FSHR: variants seen among roughly 807,000 people sequenced by gnomAD.
FSHR encodes follicle-stimulating hormone receptor.
Under a neutral mutation model 52.1 loss-of-function variants are expected in FSHR, and 46 were observed. The ratio of observed to expected loss-of-function variants is 0.88; its 90% CI spans 0.70 to 1.13. The LOEUF (loss-of-function observed/expected upper bound fraction) is 1.13. Ranked by LOEUF, FSHR falls within the 50% of genes most tolerant of loss-of-function variation. The pLI is 0.00. For missense variants in FSHR, 964 were observed against 834.6 expected (o/e 1.16, Z -1.91); for synonymous variants, 399 against 309.6 (o/e 1.29, Z -3.03).
At chr2:48,968,951 GGC>G in intron 8 of FSHR, 68 bp from the exon 9 acceptor site, 2 of 1,396,982 alleles carry the variant, frequency 1.4e-6, no homozygotes, top group Non-Finnish European at 2.0e-6. Flanking sequence ...TTGGTTAGCA[GGC>G]AAAATAGCAG....
intron 8 of FSHR, among the ~76,000 whole-genome samples, chr2:48,973,383 C>T (rs542402052): frequency 3.3e-5 from 5 of 152,302 alleles, no homozygotes; most frequent in Admixed American, 6.5e-5. Context: ...CGCAGTCAGC[C>T]GCCTGAGCTG....
chr2:49,060,493 C>T (rs956630369), intron 2 of FSHR, among the ~76,000 whole-genome samples: 1 of 152,148 alleles, frequency 6.6e-6, no homozygotes, highest in African/African-American at 2.4e-5. Flanking sequence ...CACCCCAGTA[C>T]CTAAGCTGAT....
intron 4 of FSHR, among the ~76,000 whole-genome samples, chr2:48,998,776 A>G (rs1312757319): frequency 6.6e-6 from 1 of 152,056 alleles, no homozygotes; most frequent in East Asian, 1.9e-4. Flanking sequence ...ATTAAAAAAA[A>G]AGCATATTCC....
chr2:49,052,481 T>G (rs533300645), intron 2 of FSHR, among the ~76,000 whole-genome samples: 3 of 152,336 alleles, frequency 2.0e-5, no homozygotes, highest in Admixed American at 6.5e-5. Flanking sequence ...TAAAAAATGA[T>G]TAATGCTTAG....
chr2:48,976,561 C>T (rs1400808895), intron 8 of FSHR, among the ~76,000 whole-genome samples: 1 of 152,154 alleles, frequency 6.6e-6, no homozygotes, highest in Non-Finnish European at 1.5e-5. Context: ...GGAATGGTAC[C>T]AGCTCCTTTT....
Position 49,108,155 on chromosome 2 carries a change from G to T in FSHR, c.153-39865C>A, listed in dbSNP as rs140564165. 3.0e-3 allele frequency among the ~76,000 whole-genome samples: 463 copies of T among 152,154 alleles called. 2 individuals carry two copies. Among genetic ancestry groups the T allele is most frequent in the African/African-American group, 0.011 (438 of 41,502 alleles). ...AATTCATCCCTTTTGCTTCCTGCCT[G>T]CCTGCTTAAGCTGAGACACTGGTCT... On this transcript the variant is annotated intron_variant, in intron 1 of 9. Transcript: ENST00000406846.
chr2:49,096,928 C>G (rs899300600), intron 1 of FSHR, among the ~76,000 whole-genome samples: 1 of 152,122 alleles, frequency 6.6e-6, no homozygotes, highest in Non-Finnish European at 1.5e-5. Flanking sequence ...CCCACTTTAC[C>G]TTCTGCCATG....
Position 49,130,876 on chromosome 2 carries a change from A to T in FSHR, c.152+23390T>A, listed in dbSNP as rs142113762. The stretch of plus-strand genomic sequence containing the variant: ...AGACAAGCTACTCAACTTAGGTAAA[A>T]ACAAGAAGGGGGCTGTTATAGAGTT... On this transcript the variant is annotated intron_variant, in intron 1 of 9. Coordinates refer to ENST00000406846, the MANE Select transcript of FSHR (RefSeq NM_000145.4). Among the ~76,000 whole-genome samples, 109 of 152,312 alleles carry T rather than the reference A, an allele frequency of 7.2e-4. 1 individual carries two copies. Among genetic ancestry groups the T allele is most frequent in the African/African-American group, 2.5e-3 (104 of 41,572 alleles).
chr2:49,004,004 G>C (rs898046912), intron 4 of FSHR, among the ~76,000 whole-genome samples: 1 of 152,186 alleles, frequency 6.6e-6, no homozygotes, highest in African/African-American at 2.4e-5. Context: ...TGAGGCTTTA[G>C]TAGTGGAATA....
chr2:49,036,314 T>C (rs2104269066), intron 2 of FSHR, among the ~76,000 whole-genome samples: 2 of 152,282 alleles, frequency 1.3e-5, no homozygotes, highest in South Asian at 4.1e-4. Context: ...CTTGTTATCT[T>C]TGATCTGTGT....
chr2:48,964,658 A>C (rs1418159698), intron 9 of FSHR, among the ~76,000 whole-genome samples: 2 of 152,176 alleles, frequency 1.3e-5, no homozygotes, highest in Admixed American at 6.5e-5. Flanking sequence ...TGAGTGCCCC[A>C]AAGAACAATG....
chr2:48,989,273 CTTTTTTTTTT>C (rs70946840), intron 5 of FSHR, among the ~76,000 whole-genome samples: 29 of 120,778 alleles, frequency 2.4e-4, no homozygotes, highest in East Asian at 2.5e-4. Context: ...CATTCAGTGT[CTTTTTTTTTT>C]TTTTTTTTTT....
At chr2:49,113,983 G>A (rs901159186) in intron 1 of FSHR, among the ~76,000 whole-genome samples, 3 of 152,150 alleles carry the variant, frequency 2.0e-5, no homozygotes, top group South Asian at 2.1e-4. Flanking sequence ...TAGAGAAGTG[G>A]CAGTTTATCA....
chr2:48,962,967 G>T lies in FSHR; in HGVS notation c.1854C>A (p.Asn618Lys). The change falls in exon 10 of 10, where the codon AAC (asparagine) becomes AAA (lysine). Residue 618 changes from asparagine to lysine, a missense_variant. Physicochemically the swap from Asn to Lys is moderately conservative, Grantham distance 94. Coordinates refer to ENST00000406846, the MANE Select transcript of FSHR (RefSeq NM_000145.4). ...KILLVLFHPI[N>K]SCANPFLYAI... The stretch of plus-strand genomic sequence containing the variant: ...CATAGAGGAAGGGGTTGGCACAGGA[G>T]TTGATGGGGTGAAACAGAACCAGCA... 2.5e-6 allele frequency: 4 copies of T among 1,614,172 alleles called. No homozygotes were observed. The highest frequency in any genetic ancestry group is 3.4e-6 in the Non-Finnish European group (4 of 1,180,016).
chr2:49,100,497 C>G (rs1020664481), intron 1 of FSHR, among the ~76,000 whole-genome samples: 3 of 152,114 alleles, frequency 2.0e-5, no homozygotes, highest in Non-Finnish European at 4.4e-5. Flanking sequence ...AATTTTCATT[C>G]TGGAAAAAAG....
intron 4 of FSHR, among the ~76,000 whole-genome samples, chr2:49,005,851 G>T (rs1573080680): frequency 1.3e-5 from 2 of 152,244 alleles, no homozygotes; most frequent in South Asian, 2.1e-4. Flanking sequence ...CTGATCTTGG[G>T]TGTGTTTGAA....
chr2:49,143,862 C>G (rs926677099), intron 1 of FSHR, among the ~76,000 whole-genome samples: 1 of 152,060 alleles, frequency 6.6e-6, no homozygotes, highest in South Asian at 2.1e-4. Flanking sequence ...CTAAAACACT[C>G]AGGGACTGGA....
chr2:49,078,483 A>T (rs989026059), intron 1 of FSHR, among the ~76,000 whole-genome samples: 1 of 152,228 alleles, frequency 6.6e-6, no homozygotes, highest in African/African-American at 2.4e-5. Context: ...GGACAATAAA[A>T]GGAAATAATA....
At chr2:49,122,408 A>G (rs1310095530) in intron 1 of FSHR, among the ~76,000 whole-genome samples, 1 of 152,202 alleles carries the variant, frequency 6.6e-6, no homozygotes, top group Non-Finnish European at 1.5e-5. Flanking sequence ...ACCAGCTTCC[A>G]TGGTTACTAC....
Sources: gnomAD v4.1 joint callset for allele counts (sites outside exome capture counted in the v4.1 genomes callset) on GRCh38, gnomAD v4.1.1 for gene constraint, MANE v1.5 for transcripts, NCBI Gene and HGNC (gene_info 2026-07-23, HGNC 2026-07-21) for gene names.